TBC1D20: variants seen among roughly 807,000 people sequenced by gnomAD.
TBC1D20 encodes chromosome 20 open reading frame 140.
TBC1D20 carries 12 observed loss-of-function variants against 41.6 expected under a neutral mutation model. The observed-to-expected ratio is 0.29, with a 90% CI of 0.18 to 0.47. The LOEUF (loss-of-function observed/expected upper bound fraction) is 0.47, where lower values mean the gene tolerates loss of function less well. Ranked by LOEUF, TBC1D20 falls within the 20% of genes least tolerant of loss-of-function variation. The pLI is 1.00. For synonymous variants in TBC1D20, 205 were observed against 204.8 expected (o/e 1.00, Z -0.01); for missense variants, 421 against 517.4 (o/e 0.81, Z 1.81).
intron 2 of TBC1D20, among the ~76,000 whole-genome samples, chr20:446,942 CATT>C (rs1267391073): frequency 7.8e-6 from 1 of 128,570 alleles, no homozygotes; most frequent in African/African-American, 3.0e-5. Flanking sequence ...ACAAAATACG[CATT>C]TTTTTTTTTT....
rs2017237836 is a variant in TBC1D20, at chr20:441,894, T to C, written c.487A>G (p.Thr163Ala). ...FLLVVGERLATSLVEKLSTHH... is the reference protein window; with the variant it reads ...FLLVVGERLAASLVEKLSTHH... Reference sequence around the variant, plus strand: ...GTAGATAATTTTTCTACCAGGGATGTTGCCAGCCTCTCGCCTACCACCAGC... The same window carrying C: ...GTAGATAATTTTTCTACCAGGGATGCTGCCAGCCTCTCGCCTACCACCAGC... Residue 163 changes from threonine to alanine, a missense_variant, in exon 4 of 8, where the codon ACA becomes GCA. Transcript: ENST00000354200. 3.1e-6 allele frequency: 5 copies of C among 1,614,000 alleles called. No homozygotes were observed. The South Asian group carries it at 3.3e-5, about 11-fold the overall frequency.
intron 1 of TBC1D20, among the ~76,000 whole-genome samples, chr20:449,757 C>T (rs565140890): frequency 6.6e-6 from 1 of 152,318 alleles, no homozygotes; most frequent in South Asian, 2.1e-4. Context: ...CCATGGTACA[C>T]AGTAGATACT....
chr20:436,915 C>G lies in TBC1D20; in HGVS notation c.*1671G>C, dbSNP rs2017128905. The G allele has an allele frequency of 6.5e-6, 1 of 152,982 alleles. No homozygotes were observed. The highest frequency in any genetic ancestry group is 2.4e-5 in the African/African-American group (1 of 41,416). 9.5% of individuals were successfully genotyped at this position (152,982 alleles called of 1,614,324 possible). A position where few individuals can be genotyped will look rare whatever the true frequency, so the allele number is the denominator to read the frequency against. ...ATCACCTGAGGTCAGGAGTTCGAGA[C>G]CAGCCTGGCCAACGTGGCGAAACCC... On this transcript the variant is annotated 3_prime_UTR_variant, in exon 8 of 8. Transcript: ENST00000354200.
At position 436,310 on chromosome 20, in the gene TBC1D20, G is replaced by A. The variant is rs202104808; in HGVS notation, c.*2276C>T. ...AGTAACCACATATGGCTGTTTATTT[G>A]ATACAGGGCTCTGTACAAAATATTT... On this transcript the variant is annotated 3_prime_UTR_variant, in exon 8 of 8. Coordinates refer to ENST00000354200, the MANE Select transcript of TBC1D20 (RefSeq NM_144628.4). The A allele has an allele frequency of 6.6e-6, 1 of 152,222 alleles. No individual in the cohort carries two copies. Among genetic ancestry groups the A allele is most frequent in the Non-Finnish European group, 1.5e-5 (1 of 68,044 alleles). The allele number at this position is 152,222 out of a possible 1,614,324, so 9.4% of individuals were successfully genotyped here.
intron 2 of TBC1D20, among the ~76,000 whole-genome samples, chr20:447,016 C>T (rs2017346066): frequency 7.2e-6 from 1 of 138,450 alleles, no homozygotes; most frequent in South Asian, 2.3e-4. Flanking sequence ...GTGGTGCAAT[C>T]TCTGCTCACT....
At chr20:461,843 G>T (rs1329882869) in intron 1 of TBC1D20, among the ~76,000 whole-genome samples, 1 of 152,268 alleles carries the variant, frequency 6.6e-6, no homozygotes, top group African/African-American at 2.4e-5. Context: ...AAGAATCACT[G>T]AACTGTGCAC....
chr20:462,287 C>T, intron 1 of TBC1D20, 49 bp downstream of exon 1: 1 of 1,231,062 alleles, frequency 8.1e-7, no homozygotes, highest in Non-Finnish European at 1.0e-6. Context: ...CCCCTGCCCC[C>T]CGGGCCGCCC....
chr20:440,127 C>T, intron 6 of TBC1D20, 121 bp downstream of exon 6: 1 of 1,322,844 alleles, frequency 7.6e-7, no homozygotes, highest in Non-Finnish European at 1.0e-6. Flanking sequence ...TCCAGGGACA[C>T]CAGCCTGGGA....
At chr20:448,502 A>C (rs2017380440) in intron 1 of TBC1D20, among the ~76,000 whole-genome samples, 1 of 152,004 alleles carries the variant, frequency 6.6e-6, no homozygotes, top group African/African-American at 2.4e-5. Context: ...CAGCCTGGCC[A>C]ATATGGTGAA....
chr20:452,148 A>G (rs976821824), intron 1 of TBC1D20, among the ~76,000 whole-genome samples: 1 of 152,146 alleles, frequency 6.6e-6, no homozygotes, highest in Non-Finnish European at 1.5e-5. Context: ...CTCTACTAAA[A>G]ATACAAAAGT....
At position 439,703 on chromosome 20, in the gene TBC1D20, G is replaced by A. The variant is rs1208344276; in HGVS notation, c.769-408C>T. On this transcript the variant is annotated intron_variant, in intron 6 of 7. Transcript: ENST00000354200. This position sits in a 1 kb window ranked among gnomAD's most constrained non-coding sequence, Gnocchi z 4.6. ...GAAAGAACAGTCTTGCTCCCTTTAAGCATCTTCCTTCTGACTGTTGGTCCA... is the reference window on the plus strand; with the variant it reads ...GAAAGAACAGTCTTGCTCCCTTTAAACATCTTCCTTCTGACTGTTGGTCCA... 6.6e-6 allele frequency among the ~76,000 whole-genome samples: 1 copy of A among 152,186 alleles called. No individual in the cohort carries two copies. The highest frequency in any genetic ancestry group is 6.5e-5 in the Admixed American group (1 of 15,286).
At chr20:453,153 C>CAAAAAAAAAAA (rs71191943) in intron 1 of TBC1D20, among the ~76,000 whole-genome samples, 6 of 44,858 alleles carry the variant, frequency 1.3e-4, no homozygotes, top group East Asian at 1.1e-3. Context: ...AACTCCGTTT[C>CAAAAAAAAAAA]AAAAAAAAAA....
chr20:448,165 A>C, intron 1 of TBC1D20, 91 bp from the exon 2 acceptor site: 2 of 853,084 alleles, frequency 2.3e-6, no homozygotes, highest in East Asian at 4.9e-5. Flanking sequence ...TATGAGGTAC[A>C]GGTAAGTATC....
intron 1 of TBC1D20, among the ~76,000 whole-genome samples, chr20:454,522 G>C (rs535518500): frequency 5.9e-5 from 9 of 152,098 alleles, no homozygotes; most frequent in Admixed American, 5.9e-4. Flanking sequence ...CCAGAAGGTA[G>C]GGCAGATTTT....
At chr20:460,053 C>G (rs2017602699) in intron 1 of TBC1D20, among the ~76,000 whole-genome samples, 1 of 152,022 alleles carries the variant, frequency 6.6e-6, no homozygotes, top group South Asian at 2.1e-4. Flanking sequence ...CAAATACTAA[C>G]TTGGATCAAC....
In TBC1D20 at chr20:435,942, T is replaced by C. The variant is rs1260168822; in HGVS notation, c.*2644A>G. 6.6e-6 allele frequency: 1 copy of C among 152,284 alleles called. No individual in the cohort carries two copies. The highest frequency in any genetic ancestry group is 2.4e-5 in the African/African-American group (1 of 41,448). 9.4% of individuals were successfully genotyped at this position (152,284 alleles called of 1,614,324 possible). A position where few individuals can be genotyped will look rare whatever the true frequency, so the allele number is the denominator to read the frequency against. On this transcript the variant is annotated 3_prime_UTR_variant, in exon 8 of 8. Coordinates refer to ENST00000354200, the MANE Select transcript of TBC1D20 (RefSeq NM_144628.4). ...GCAAGTGAAATGGGGCAGGAGAAGG[T>C]CACAGACAGAGATTCCGTTTTCTGA...
chr20:460,615 T>C (rs547821168), intron 1 of TBC1D20, among the ~76,000 whole-genome samples: 108 of 152,254 alleles, frequency 7.1e-4, no homozygotes, highest in African/African-American at 2.3e-3. Flanking sequence ...TTAGCAAAGA[T>C]TCTGTTAACT....
At chr20:443,836 C>G (rs1004106417) in intron 3 of TBC1D20, among the ~76,000 whole-genome samples, 1 of 151,970 alleles carries the variant, frequency 6.6e-6, no homozygotes, top group Non-Finnish European at 1.5e-5. Flanking sequence ...AAACAGGTTA[C>G]CTAGGAAAAA....
intron 3 of TBC1D20, 63 bp downstream of exon 3, chr20:444,987 C>G (rs1238548637): frequency 7.0e-7 from 1 of 1,433,300 alleles, no homozygotes; most frequent in African/African-American, 1.4e-5. Context: ...TATTAGGTCA[C>G]ATGGTATGAC....
Sources: gnomAD v4.1 joint callset for allele counts (sites outside exome capture counted in the v4.1 genomes callset) on GRCh38, gnomAD v4.1.1 for gene constraint, Gnocchi (gnomAD v3.1) non-coding constraint, MANE v1.5 for transcripts, NCBI Gene and HGNC (gene_info 2026-07-23, HGNC 2026-07-21) for gene names.